The following LRRC4C variants were observed in gnomAD, a reference collection of about 807,000 sequenced individuals.
LRRC4C encodes leucine rich repeat containing 4C, also known as leucine-rich repeat-containing protein 4C.
Under a neutral mutation model 33.6 loss-of-function variants are expected in LRRC4C, and 5 were observed. The ratio of observed to expected loss-of-function variants is 0.15; its 90% CI spans 0.08 to 0.31. The LOEUF (loss-of-function observed/expected upper bound fraction) is 0.31. LRRC4C is among the 10% of genes least tolerant of loss of function. The pLI, the probability that LRRC4C is intolerant of heterozygous loss-of-function variation, is 1.00. For missense variants in LRRC4C, 560 were observed against 796.7 expected (o/e 0.70, Z 3.58); for synonymous variants, 329 against 302.0 (o/e 1.09, Z -0.93).
chr11:41,155,585 G>A (rs1219098382), intron 1 of LRRC4C, among the ~76,000 whole-genome samples: 2 of 152,034 alleles, frequency 1.3e-5, no homozygotes, highest in African/African-American at 2.4e-5. Context: ...GAGAGATTTT[G>A]GATTAGAGTA....
At chr11:41,178,863 C>A (rs1160072952) in intron 1 of LRRC4C, among the ~76,000 whole-genome samples, 2 of 152,132 alleles carry the variant, frequency 1.3e-5, no homozygotes, top group Non-Finnish European at 2.9e-5. Context: ...CCACCATGCC[C>A]AGCTAATTTT....
intron 3 of LRRC4C, among the ~76,000 whole-genome samples, chr11:40,458,338 A>G (rs1345763582): frequency 6.6e-6 from 1 of 152,050 alleles, no homozygotes; most frequent in African/African-American, 2.4e-5. Flanking sequence ...ATCTATATAA[A>G]CCCTTGTAAT....
At chr11:40,730,294 C>A (rs1947498549) in intron 2 of LRRC4C, among the ~76,000 whole-genome samples, 1 of 152,074 alleles carries the variant, frequency 6.6e-6, no homozygotes, top group African/African-American at 2.4e-5. Context: ...AGGAATTTGG[C>A]CAACTGTAGG....
At chr11:41,246,517 G>A (rs570580240) in intron 1 of LRRC4C, among the ~76,000 whole-genome samples, 2 of 152,254 alleles carry the variant, frequency 1.3e-5, no homozygotes, top group South Asian at 4.1e-4. Flanking sequence ...CAGAAGAATG[G>A]TGCTCCCCAC....
chr11:41,344,302 C>G (rs1697913419), intron 1 of LRRC4C, among the ~76,000 whole-genome samples: 1 of 150,208 alleles, frequency 6.7e-6, no homozygotes, highest in South Asian at 2.1e-4. Flanking sequence ...TCTCTGCTCG[C>G]TGCAACCTCC....
chr11:40,802,470 C>T (rs1018984373), intron 2 of LRRC4C, among the ~76,000 whole-genome samples: 1 of 150,290 alleles, frequency 6.7e-6, no homozygotes, highest in African/African-American at 2.4e-5. Context: ...AATAAAACAC[C>T]CAGAAATTGG....
At chr11:40,862,841 G>A (rs543575522) in intron 2 of LRRC4C, among the ~76,000 whole-genome samples, 2 of 152,318 alleles carry the variant, frequency 1.3e-5, no homozygotes, top group Admixed American at 6.5e-5. Context: ...TTGAGCCAAT[G>A]TTCTCATCCA....
chr11:40,741,473 T>A (rs998966159), intron 2 of LRRC4C, among the ~76,000 whole-genome samples: 1 of 152,000 alleles, frequency 6.6e-6, no homozygotes, highest in African/African-American at 2.4e-5. Flanking sequence ...TGCAAGACCT[T>A]AGCATAAATC....
At chr11:40,818,729 C>T (rs1565097547) in intron 2 of LRRC4C, among the ~76,000 whole-genome samples, 1 of 151,942 alleles carries the variant, frequency 6.6e-6, no homozygotes, top group Non-Finnish European at 1.5e-5. Context: ...CCTTACATAT[C>T]ATCAGTTACC....
intron 2 of LRRC4C, among the ~76,000 whole-genome samples, chr11:40,795,664 C>A (rs1414562575): frequency 6.6e-6 from 1 of 152,138 alleles, no homozygotes; most frequent in East Asian, 1.9e-4. Flanking sequence ...AAAAAGAAAT[C>A]CACTTGTCCT....
At chr11:41,337,445 T>C (rs982392468) in intron 1 of LRRC4C, among the ~76,000 whole-genome samples, 1 of 152,162 alleles carries the variant, frequency 6.6e-6, no homozygotes, top group East Asian at 1.9e-4. Context: ...TAGAAAGGAT[T>C]CTCTTTTTAA....
At chr11:40,938,582 C>T (rs1326738747) in intron 1 of LRRC4C, among the ~76,000 whole-genome samples, 1 of 152,078 alleles carries the variant, frequency 6.6e-6, no homozygotes, top group Admixed American at 6.6e-5. Flanking sequence ...TTTTAACCAC[C>T]TACTGCCTCT....
intron 3 of LRRC4C, among the ~76,000 whole-genome samples, chr11:40,399,703 C>G (rs1590613917): frequency 1.3e-5 from 2 of 151,908 alleles, no homozygotes; most frequent in Non-Finnish European, 2.9e-5. Flanking sequence ...AAACCACCAC[C>G]ACCACCACGA....
chr11:40,833,254 G>T (rs1191879673), intron 2 of LRRC4C, among the ~76,000 whole-genome samples: 1 of 151,908 alleles, frequency 6.6e-6, no homozygotes, highest in Non-Finnish European at 1.5e-5. Flanking sequence ...ATTATTATCA[G>T]AATTGAAATT....
intron 1 of LRRC4C, among the ~76,000 whole-genome samples, chr11:40,958,626 A>G (rs531473594): frequency 1.4e-4 from 22 of 151,884 alleles, no homozygotes; most frequent in African/African-American, 5.1e-4. Flanking sequence ...TGTAAAATGT[A>G]ATTTTCTATG....
At chr11:40,554,767 G>T (rs1176113470) in intron 3 of LRRC4C, among the ~76,000 whole-genome samples, 1 of 120,716 alleles carries the variant, frequency 8.3e-6, no homozygotes, top group Non-Finnish European at 1.6e-5. Context: ...TTGAGACGGG[G>T]TCTCGCTCTG....
intron 3 of LRRC4C, among the ~76,000 whole-genome samples, chr11:40,509,176 T>C (rs1224167047): frequency 1.3e-5 from 2 of 152,166 alleles, no homozygotes; most frequent in African/African-American, 2.4e-5. Context: ...TGGTTAATTA[T>C]GGTGTTTCAT....
At chr11:41,324,377 C>G (rs1185983796) in intron 1 of LRRC4C, among the ~76,000 whole-genome samples, 1 of 152,054 alleles carries the variant, frequency 6.6e-6, no homozygotes, top group East Asian at 1.9e-4. Context: ...TTGCGGTGAG[C>G]CAAGATCATG....
chr11:40,278,669 C>G (rs577262698), intron 4 of LRRC4C, among the ~76,000 whole-genome samples: 1 of 152,248 alleles, frequency 6.6e-6, no homozygotes, highest in Non-Finnish European at 1.5e-5. Context: ...ATTACAACTT[C>G]AATACCTATA....
Sources: gnomAD v4.1 joint callset for allele counts (sites outside exome capture counted in the v4.1 genomes callset) on GRCh38, gnomAD v4.1.1 for gene constraint, MANE v1.5 for transcripts, NCBI Gene and HGNC (gene_info 2026-07-23, HGNC 2026-07-21) for gene names.